GSK3B: variants seen among roughly 807,000 people sequenced by gnomAD.
The protein encoded by GSK3B is glycogen synthase kinase 3 beta.
A neutral mutation model predicts 56.4 loss-of-function variants in GSK3B; 15 were observed. The observed-to-expected ratio is 0.27, with a 90% CI of 0.18 to 0.41. The LOEUF (loss-of-function observed/expected upper bound fraction) is 0.41, where lower values mean the gene tolerates loss of function less well. GSK3B is among the 10% of genes least tolerant of loss of function. The pLI, the probability that GSK3B is intolerant of heterozygous loss-of-function variation, is 1.00. For missense variants in GSK3B, 300 were observed against 513.4 expected, an observed-to-expected ratio of 0.58 and a Z score of 4.02; for synonymous variants, 181 against 188.9, an observed-to-expected ratio of 0.96 and a Z score of 0.34.
intron 1 of GSK3B, among the ~76,000 whole-genome samples, chr3:120,030,160 G>T (rs2057962962): frequency 6.6e-6 from 1 of 152,082 alleles, no homozygotes; most frequent in Admixed American, 6.5e-5. Context: ...CTGCTCACTT[G>T]AGGTCCTCCT....
chr3:119,891,819 G>C (rs1039192725), intron 7 of GSK3B, among the ~76,000 whole-genome samples: 4 of 152,106 alleles, frequency 2.6e-5, no homozygotes, highest in Non-Finnish European at 5.9e-5. Flanking sequence ...CATATTCTCA[G>C]TTATCTATTA....
chr3:119,928,604 CAAAAAAATAAAAAAAAAA>C (rs2056911107), intron 3 of GSK3B, among the ~76,000 whole-genome samples: 1 of 28,640 alleles, frequency 3.5e-5, no homozygotes, highest in Non-Finnish European at 7.6e-5. Context: ...GACTCCATAT[CAAAAAAATAAAAAAAAAA>C]AAAAAAAAAA....
intron 7 of GSK3B, among the ~76,000 whole-genome samples, chr3:119,882,681 T>C (rs150110623): frequency 5.3e-4 from 80 of 152,284 alleles, no homozygotes; most frequent in African/African-American, 1.8e-3. Flanking sequence ...ACGTAGAAAA[T>C]CTTTACCACA....
At position 119,859,769 on chromosome 3, in the gene GSK3B, G is replaced by A. The variant is rs369406128; in HGVS notation, c.1096+3650C>T. 6.6e-5 allele frequency among the ~76,000 whole-genome samples: 10 copies of A among 150,900 alleles called. No individual in the cohort carries two copies. In the South Asian group the frequency reaches 1.5e-3, roughly 22 times the overall value. On this transcript the variant is annotated intron_variant, in intron 9 of 10. Transcript: ENST00000264235. ...TCGTGTCCAGATACTCTTACCCCCC[G>A]CCCCAAAATATTCAGTCTGTCTGAG...
intron 1 of GSK3B, among the ~76,000 whole-genome samples, chr3:120,060,388 A>C (rs960787955): frequency 6.6e-6 from 1 of 152,192 alleles, no homozygotes; most frequent in African/African-American, 2.4e-5. Flanking sequence ...CATTAGCAGC[A>C]ATCTGGGAAC....
chr3:119,917,659 C>CT (rs552373286), intron 4 of GSK3B, among the ~76,000 whole-genome samples: 2,805 of 123,574 alleles, frequency 0.023, 59 homozygotes, highest in Middle Eastern at 0.056. Flanking sequence ...AACGAGTTTT[C>CT]TTTTTTTTTT....
At chr3:119,998,869 C>T (rs1046138093) in intron 2 of GSK3B, among the ~76,000 whole-genome samples, 2 of 152,034 alleles carry the variant, frequency 1.3e-5, no homozygotes, top group African/African-American at 2.4e-5. Flanking sequence ...AAAAATACTC[C>T]TAATATCTAA....
At chr3:119,911,494 G>A (rs2056734142) in intron 6 of GSK3B, among the ~76,000 whole-genome samples, 1 of 152,140 alleles carries the variant, frequency 6.6e-6, no homozygotes, top group Admixed American at 6.6e-5. Context: ...CCTGTCCTTA[G>A]AAGCTTTGAA....
At chr3:120,079,072 G>A (rs1337516291) in intron 1 of GSK3B, among the ~76,000 whole-genome samples, 1 of 150,420 alleles carries the variant, frequency 6.6e-6, no homozygotes, top group Non-Finnish European at 1.5e-5. Context: ...CTCCCGTGTA[G>A]CTGGGATTAC....
intron 1 of GSK3B, among the ~76,000 whole-genome samples, chr3:120,055,890 A>C (rs2058187941): frequency 6.6e-6 from 1 of 152,256 alleles, no homozygotes; most frequent in African/African-American, 2.4e-5. Flanking sequence ...AAAGGAAAAT[A>C]TATAAGTGAT....
intron 10 of GSK3B, among the ~76,000 whole-genome samples, chr3:119,839,004 A>T (rs6808874): frequency 0.24 from 37,028 of 152,078 alleles, 4,967 homozygotes; most frequent in East Asian, 0.49. Context: ...AATGTCCTCA[A>T]ACTTAATATT....
intron 1 of GSK3B, among the ~76,000 whole-genome samples, chr3:120,013,144 T>C (rs1211897862): frequency 1.3e-5 from 2 of 152,114 alleles, no homozygotes; most frequent in African/African-American, 4.8e-5. Context: ...CTCAGACCAA[T>C]CCACTCCACG....
intron 1 of GSK3B, among the ~76,000 whole-genome samples, chr3:120,088,319 A>G (rs915530503): frequency 1.3e-5 from 2 of 152,238 alleles, no homozygotes; most frequent in Non-Finnish European, 2.9e-5. Flanking sequence ...AGAAAACTCA[A>G]TAACGTAAAA....
Position 119,826,503 on chromosome 3 carries a change from T to A in GSK3B, c.*285A>T, listed in dbSNP as rs1283566609. The A allele has an allele frequency of 3.7e-6, 2 of 538,662 alleles. No individual in the cohort carries two copies. The highest frequency in any genetic ancestry group is 6.4e-5 in the East Asian group (2 of 31,028). The allele number at this position is 538,662 out of a possible 1,614,324, so 33.4% of individuals were successfully genotyped here. On this transcript the variant is annotated 3_prime_UTR_variant, in exon 11 of 11. Coordinates refer to ENST00000264235, the MANE Select transcript of GSK3B (RefSeq NM_001146156.2). ...CAGCAGACTTTTAATAAAAAAAGAT[T>A]GTCGTGGGAGAGAGATTGTATGTTC...
At chr3:120,072,296 G>A (rs1016444630) in intron 1 of GSK3B, among the ~76,000 whole-genome samples, 1 of 152,150 alleles carries the variant, frequency 6.6e-6, no homozygotes, top group Admixed American at 6.5e-5. Flanking sequence ...GGTAGCTTAC[G>A]CCTGTAATCC....
Position 119,967,429 on chromosome 3 carries a change from T to G in GSK3B, c.283-20078A>C, listed in dbSNP as rs555286520. ...TGATAAGATAATCCTAAAATTCATA[T>G]GGAAATTTGTGTGCACTCAGATAGT... On this transcript the variant is annotated intron_variant, in intron 2 of 10. Coordinates refer to ENST00000264235, the MANE Select transcript of GSK3B (RefSeq NM_001146156.2). Among the ~76,000 whole-genome samples, 16 of 152,296 alleles carry G rather than the reference T, an allele frequency of 1.1e-4. No individual in the cohort carries two copies. In the East Asian group the frequency reaches 3.1e-3, roughly 29 times the overall value.
At chr3:119,852,506 C>T (rs529894262) in intron 9 of GSK3B, among the ~76,000 whole-genome samples, 4 of 152,112 alleles carry the variant, frequency 2.6e-5, no homozygotes, top group Non-Finnish European at 5.9e-5. Flanking sequence ...CACCACCACG[C>T]CTGGCTAATT....
rs554697350 is a variant in GSK3B, at chr3:120,086,713, C to A, written c.88+6634G>T. 3.3e-5 allele frequency among the ~76,000 whole-genome samples: 5 copies of A among 151,936 alleles called. No homozygotes were observed. The South Asian group carries it at 1.0e-3, about 32-fold the overall frequency. On this transcript the variant is annotated intron_variant, in intron 1 of 10. Coordinates refer to ENST00000264235, the MANE Select transcript of GSK3B (RefSeq NM_001146156.2). ...CAGAGGTTGAGGTTAAAAGATCACCCGAGCCCAGGAGGCAGAGGCTGCAGT... is the reference window on the plus strand; with the variant it reads ...CAGAGGTTGAGGTTAAAAGATCACCAGAGCCCAGGAGGCAGAGGCTGCAGT...
intron 1 of GSK3B, among the ~76,000 whole-genome samples, chr3:120,030,468 G>A (rs2057966272): frequency 1.3e-5 from 2 of 152,102 alleles, no homozygotes; most frequent in South Asian, 4.1e-4. Flanking sequence ...AAAGCCTTCA[G>A]CATCTTTTAC....
Sources: allele counts gnomAD v4.1 joint callset (sites outside exome capture counted in the v4.1 genomes callset), GRCh38; gene constraint gnomAD v4.1.1; transcripts MANE v1.5; gene names NCBI Gene and HGNC (gene_info 2026-07-23, HGNC 2026-07-21).